DLGAP2: variants seen among roughly 807,000 people sequenced by gnomAD.
DLGAP2 encodes the protein DLG associated protein 2.
DLGAP2 carries 26 observed loss-of-function variants against 100.3 expected under a neutral mutation model. The ratio of observed to expected loss-of-function variants is 0.26; its 90% CI spans 0.19 to 0.36. The LOEUF (loss-of-function observed/expected upper bound fraction) is 0.36. Among genes scored for constraint, DLGAP2 ranks in the 10% least tolerant of loss-of-function variants. The pLI, the probability that DLGAP2 is intolerant of heterozygous loss-of-function variation, is 1.00. For missense variants in DLGAP2, 1,858 were observed against 1,453.2 expected (o/e 1.28, Z -4.53); for synonymous variants, 886 against 630.1 (o/e 1.41, Z -6.08).
intron 1 of DLGAP2, among the ~76,000 whole-genome samples, chr8:902,275 A>G (rs1363683335): frequency 6.6e-6 from 1 of 151,848 alleles, no homozygotes; most frequent in African/African-American, 2.4e-5. Context: ...CCCCCATGGT[A>G]TCTGGCACAG....
At chr8:844,419 T>C (rs1478901850) in intron 1 of DLGAP2, among the ~76,000 whole-genome samples, 1 of 152,348 alleles carries the variant, frequency 6.6e-6, no homozygotes, top group Non-Finnish European at 1.5e-5. Context: ...ACAGTCTCGA[T>C]TGACCCCCTT....
chr8:997,927 C>G (rs890466793), intron 2 of DLGAP2, among the ~76,000 whole-genome samples: 2 of 152,116 alleles, frequency 1.3e-5, no homozygotes, highest in Non-Finnish European at 2.9e-5. Flanking sequence ...CATGCACACA[C>G]ACCCATGCAT....
At chr8:768,508 T>TCCA (rs1246820323) in intron 1 of DLGAP2, among the ~76,000 whole-genome samples, 1 of 136,794 alleles carries the variant, frequency 7.3e-6, no homozygotes, top group Non-Finnish European at 1.5e-5. Context: ...CACTGCAACC[T>TCCA]CCACCTCCTG....
At chr8:1,251,673 A>G (rs1799043063) in intron 2 of DLGAP2, among the ~76,000 whole-genome samples, 1 of 152,210 alleles carries the variant, frequency 6.6e-6, no homozygotes, top group African/African-American at 2.4e-5. Flanking sequence ...GTCATGTTGG[A>G]ATACAGTCAT....
intron 3 of DLGAP2, among the ~76,000 whole-genome samples, chr8:1,336,810 T>G (rs1428900254): frequency 6.6e-6 from 1 of 151,316 alleles, no homozygotes; most frequent in East Asian, 1.9e-4. Context: ...TGTTGTTCAT[T>G]TAATACATAC....
chr8:879,803 A>G (rs1318843231), intron 1 of DLGAP2, among the ~76,000 whole-genome samples: 1 of 152,194 alleles, frequency 6.6e-6, no homozygotes. Context: ...GGATGCTGCT[A>G]AAAATAAAAC....
intron 3 of DLGAP2, chr8:1,299,917 T>G (rs1353116286): frequency 6.6e-6 from 1 of 152,076 alleles, no homozygotes; most frequent in Non-Finnish European, 1.5e-5. Flanking sequence ...ATAAATTAAT[T>G]TTCTCACCGT....
intron 6 of DLGAP2, among the ~76,000 whole-genome samples, chr8:1,598,950 T>C (rs1219539083): frequency 6.6e-6 from 1 of 152,194 alleles, no homozygotes; most frequent in Non-Finnish European, 1.5e-5. Context: ...TCCTTTTAAT[T>C]GTGATTTTAG....
intron 2 of DLGAP2, among the ~76,000 whole-genome samples, chr8:950,814 TG>T (rs1799461184): frequency 6.6e-6 from 1 of 151,794 alleles, no homozygotes; most frequent in East Asian, 1.9e-4. Context: ...TTAGTAGAGA[TG>T]GGGTTTCACC....
At chr8:1,648,374 G>C (rs942217623) in intron 8 of DLGAP2, among the ~76,000 whole-genome samples, 14 of 152,214 alleles carry the variant, frequency 9.2e-5, no homozygotes, top group African/African-American at 3.4e-4. Flanking sequence ...TAACCGACAT[G>C]TGCAAGAAAT....
intron 3 of DLGAP2, among the ~76,000 whole-genome samples, chr8:1,277,609 T>C (rs1347557877): frequency 6.6e-6 from 1 of 152,186 alleles, no homozygotes; most frequent in Non-Finnish European, 1.5e-5. Flanking sequence ...TAGGTCAGCA[T>C]CGGAGTATCG....
Position 1,549,240 on chromosome 8 carries a change from G to C in DLGAP2, c.787G>C (p.Ala263Pro), listed in dbSNP as rs755574274. 8 of 1,607,134 alleles carry C rather than the reference G, an allele frequency of 5.0e-6. No individual in the cohort carries two copies. Among genetic ancestry groups the C allele is most frequent in the Non-Finnish European group, 5.1e-6 (6 of 1,177,718 alleles). ...NANGTKADGR[A>P]DDHHHAHHAK... ...CAACGGCACCAAGGCGGACGGCCGG[G>C]CGGACGACCACCACCACGCCCACCA... Residue 263 changes from alanine (A) to proline (P), a missense_variant, in exon 5 of 15, where the codon GCG becomes CCG. Physicochemically the swap from Ala to Pro is conservative, Grantham distance 27. Coordinates refer to ENST00000637795, the MANE Select transcript of DLGAP2 (RefSeq NM_001346810.2).
At chr8:1,651,369 C>T (rs537659126) in intron 8 of DLGAP2, among the ~76,000 whole-genome samples, 3 of 152,282 alleles carry the variant, frequency 2.0e-5, no homozygotes, top group South Asian at 2.1e-4. Flanking sequence ...AGTTCCAAAT[C>T]CCGAGGTTCC....
At position 1,197,676 on chromosome 8, in the gene DLGAP2, TG is replaced by T. The variant is rs1418363908; in HGVS notation, c.74-61174del. On this transcript the variant is annotated intron_variant, in intron 2 of 14. Transcript: ENST00000637795. Reference sequence around the variant, plus strand: ...AATGTGGAGCATCTGGGCCACCAGCTGTCCATATAAACCTGAGCCACGTCAA... The same window carrying T: ...AATGTGGAGCATCTGGGCCACCAGCTTCCATATAAACCTGAGCCACGTCAA... Among the ~76,000 whole-genome samples, 98 of 66,460 alleles carry T rather than the reference TG, an allele frequency of 1.5e-3. 1 individual carries two copies. Among genetic ancestry groups the T allele is most frequent in the African/African-American group, 9.2e-3 (94 of 10,240 alleles). 43.6% of individuals were successfully genotyped at this position (66,460 alleles called of 152,430 possible).
intron 3 of DLGAP2, among the ~76,000 whole-genome samples, chr8:1,376,103 C>T (rs531928317): frequency 7.8e-4 from 114 of 145,226 alleles, no homozygotes; most frequent in African/African-American, 2.8e-3. Flanking sequence ...TTAACGACAC[C>T]TCTCCACGAC....
chr8:1,277,675 G>C lies in DLGAP2; in HGVS notation c.106+18792G>C, dbSNP rs562992237. On this transcript the variant is annotated intron_variant, in intron 3 of 14. Coordinates refer to ENST00000637795, the MANE Select transcript of DLGAP2 (RefSeq NM_001346810.2). ...TATCCAAGTGTTATCCGAAATGAGT[G>C]GTGGGGTGGGCTTCCAGGCTGGCAG... is the stretch of plus-strand genomic sequence containing the variant. Among the ~76,000 whole-genome samples, 155 of 152,288 alleles carry C rather than the reference G, an allele frequency of 1.0e-3. 1 individual carries two copies. Among genetic ancestry groups the C allele is most frequent in the African/African-American group, 3.6e-3 (149 of 41,558 alleles).
At chr8:1,051,811 G>A (rs1363474083) in intron 2 of DLGAP2, among the ~76,000 whole-genome samples, 1 of 152,102 alleles carries the variant, frequency 6.6e-6, no homozygotes, top group African/African-American at 2.4e-5. Flanking sequence ...TCCTGCCTGG[G>A]CCCCTCAGGG....
chr8:1,205,101 A>C (rs187695829), intron 2 of DLGAP2, among the ~76,000 whole-genome samples: 1 of 152,320 alleles, frequency 6.6e-6, no homozygotes, highest in East Asian at 1.9e-4. Context: ...CTGTCCGTCA[A>C]GGAGGGGCCA....
intron 1 of DLGAP2, among the ~76,000 whole-genome samples, chr8:744,339 G>A (rs1820561585): frequency 6.6e-6 from 1 of 152,174 alleles, no homozygotes; most frequent in Non-Finnish European, 1.5e-5. Context: ...TATTGGAATA[G>A]CCACTCTGTG....
Sources: gnomAD v4.1 joint callset for allele counts (sites outside exome capture counted in the v4.1 genomes callset) on GRCh38, gnomAD v4.1.1 for gene constraint, MANE v1.5 for transcripts, NCBI Gene and HGNC (gene_info 2026-07-23, HGNC 2026-07-21) for gene names.